The following TBCA variants were observed in gnomAD, a reference collection of about 807,000 sequenced individuals.
TBCA encodes the protein tubulin folding cofactor A.
A neutral mutation model predicts 15.8 loss-of-function variants in TBCA; 6 were observed. The ratio of observed to expected loss-of-function variants is 0.38; its 90% CI spans 0.21 to 0.75. The LOEUF is 0.75. TBCA is among the 30% of genes least tolerant of loss of function. The pLI is 0.46. For missense variants in TBCA, 90 were observed against 131.2 expected, an observed-to-expected ratio of 0.69 and a Z score of 1.53; for synonymous variants, 32 against 42.3, an observed-to-expected ratio of 0.76 and a Z score of 0.94.
At chr5:77,718,606 TCCA>T (rs1237197246) in intron 1 of TBCA, among the ~76,000 whole-genome samples, 1 of 152,228 alleles carries the variant, frequency 6.6e-6, no homozygotes, top group Non-Finnish European at 1.5e-5. Flanking sequence ...TTAGTCATTT[TCCA>T]CCAATCCTTG....
chr5:77,730,980 T>C (rs745898920), intron 1 of TBCA, among the ~76,000 whole-genome samples: 3 of 152,208 alleles, frequency 2.0e-5, no homozygotes, highest in African/African-American at 7.2e-5. Flanking sequence ...TTTATTTCCA[T>C]TTTGTCAATA....
chr5:77,766,447 T>C (rs912652655), intron 1 of TBCA, among the ~76,000 whole-genome samples: 1 of 152,116 alleles, frequency 6.6e-6, no homozygotes, highest in Non-Finnish European at 1.5e-5. Context: ...GGTTATTACT[T>C]AACAGCGGTT....
At chr5:77,691,734 A>G in intron 3 of TBCA, 1 of 1,163,978 alleles carries the variant, frequency 8.6e-7, no homozygotes, top group East Asian at 4.9e-5. Context: ...TCATAAAATA[A>G]GTGAATAACA....
intron 1 of TBCA, among the ~76,000 whole-genome samples, chr5:77,754,560 A>G (rs1747429250): frequency 6.6e-6 from 1 of 152,244 alleles, no homozygotes; most frequent in Non-Finnish European, 1.5e-5. Context: ...GACAGTCATC[A>G]TGTAAAGTTA....
At chr5:77,692,939 C>T in intron 3 of TBCA, 3 of 1,287,402 alleles carry the variant, frequency 2.3e-6, no homozygotes, top group South Asian at 2.3e-5. Flanking sequence ...GTCAACTCAT[C>T]CTCAATGTCT....
intron 1 of TBCA, among the ~76,000 whole-genome samples, chr5:77,751,280 G>A (rs561689128): frequency 6.7e-6 from 1 of 149,904 alleles, no homozygotes; most frequent in East Asian, 2.0e-4. Flanking sequence ...TCCTGCCTCA[G>A]CTTCCTGGGT....
chr5:77,695,529 TC>T (rs1255899689), intron 2 of TBCA, among the ~76,000 whole-genome samples: 1 of 152,058 alleles, frequency 6.6e-6, no homozygotes, highest in Admixed American at 6.6e-5. Context: ...ACAAACCACA[TC>T]TTCATCAAAG....
chr5:77,767,292 C>G (rs1747800984), intron 1 of TBCA, among the ~76,000 whole-genome samples: 2 of 152,138 alleles, frequency 1.3e-5, no homozygotes, highest in African/African-American at 4.8e-5. Flanking sequence ...TTAGAATACA[C>G]ACAAGCACAC....
At chr5:77,747,063 G>A (rs1029657003) in intron 1 of TBCA, among the ~76,000 whole-genome samples, 5 of 151,902 alleles carry the variant, frequency 3.3e-5, no homozygotes, top group African/African-American at 9.7e-5. Context: ...TAATGTGGAG[G>A]GAGTCAGCAT....
intron 1 of TBCA, among the ~76,000 whole-genome samples, chr5:77,712,885 G>A (rs1334850675): frequency 6.6e-6 from 1 of 152,156 alleles, no homozygotes. Flanking sequence ...AAACACATAT[G>A]GGCCCAAGGG....
intron 2 of TBCA, 124 bp downstream of exon 2, chr5:77,708,118 G>T: frequency 1.6e-6 from 1 of 627,702 alleles, no homozygotes. Flanking sequence ...TCTTTAAATG[G>T]AAGTTTTAAT....
At chr5:77,705,627 AG>A (rs1399958685) in intron 2 of TBCA, 3 of 398,478 alleles carry the variant, frequency 7.5e-6, no homozygotes, top group African/African-American at 6.2e-5. Flanking sequence ...CAGGAGTTGA[AG>A]ACCAGCCTAA....
intron 1 of TBCA, among the ~76,000 whole-genome samples, chr5:77,719,739 G>T (rs1016552784): frequency 1.3e-5 from 2 of 152,016 alleles, no homozygotes; most frequent in African/African-American, 4.8e-5. Flanking sequence ...ATCTTAGAAT[G>T]AAAATTCAAA....
chr5:77,773,080 A>C (rs1196542370), intron 1 of TBCA, among the ~76,000 whole-genome samples: 1 of 152,208 alleles, frequency 6.6e-6, no homozygotes, highest in Non-Finnish European at 1.5e-5. Flanking sequence ...TCTGCCAAAT[A>C]TACTGACTAA....
chr5:77,763,136 C>T (rs1053549755), intron 1 of TBCA, among the ~76,000 whole-genome samples: 22 of 151,882 alleles, frequency 1.4e-4, no homozygotes, highest in African/African-American at 5.1e-4. Context: ...CCCAGCTACG[C>T]GGGAGGCTGA....
At chr5:77,713,764 A>G (rs1369899337) in intron 1 of TBCA, among the ~76,000 whole-genome samples, 1 of 152,206 alleles carries the variant, frequency 6.6e-6, no homozygotes, top group African/African-American at 2.4e-5. Context: ...AACATTAATA[A>G]GCATATTAAA....
At chr5:77,691,594 A>C in intron 3 of TBCA, 96 bp from the exon 4 acceptor site, 1 of 1,430,816 alleles carries the variant, frequency 7.0e-7, no homozygotes, top group Non-Finnish European at 9.2e-7. Flanking sequence ...GTTAATAACT[A>C]AAAAATTAAA....
At chr5:77,756,629 GA>G (rs11347774) in intron 1 of TBCA, among the ~76,000 whole-genome samples, 26,427 of 136,146 alleles carry the variant, frequency 0.19, 2,478 homozygotes, top group South Asian at 0.27. Flanking sequence ...TTCCTAAGAG[GA>G]AAAAAAAAAA....
chr5:77,735,615 A>G (rs59886398), intron 1 of TBCA, among the ~76,000 whole-genome samples: 10,839 of 152,202 alleles, frequency 0.071, 536 homozygotes, highest in African/African-American at 0.14. Context: ...CTTGACTTTA[A>G]TTTTCCTAAA....
Sources: allele counts gnomAD v4.1 joint callset (sites outside exome capture counted in the v4.1 genomes callset), GRCh38; gene constraint gnomAD v4.1.1; transcripts MANE v1.5; gene names NCBI Gene and HGNC (gene_info 2026-07-23, HGNC 2026-07-21).